FBXW4: variants seen among roughly 807,000 people sequenced by gnomAD.
The protein encoded by FBXW4 is F-box and WD repeat domain containing 4, also known as F-box/WD repeat-containing protein 4.
FBXW4 carries 40 observed loss-of-function variants against 61.8 expected under a neutral mutation model. The observed-to-expected ratio is 0.65, with a 90% CI of 0.50 to 0.84. FBXW4 has a LOEUF of 0.84. Ranked by LOEUF, FBXW4 falls within the 40% of genes least tolerant of loss-of-function variation. The pLI, the probability that FBXW4 is intolerant of heterozygous loss-of-function variation, is 0.00. For missense variants in FBXW4, 672 were observed against 753.8 expected, an observed-to-expected ratio of 0.89 and a Z score of 1.27; for synonymous variants, 311 against 313.8, an observed-to-expected ratio of 0.99 and a Z score of 0.10.
At chr10:101,629,561 C>A in intron 5 of FBXW4, among the ~76,000 whole-genome samples, 1 of 152,106 alleles carries the variant, frequency 6.6e-6, no homozygotes, top group South Asian at 2.1e-4. Context: ...TGGGATTAGA[C>A]GCATGAGCCA....
intron 1 of FBXW4, among the ~76,000 whole-genome samples, chr10:101,685,075 C>T (rs2064521419): frequency 6.6e-6 from 1 of 152,170 alleles, no homozygotes; most frequent in Admixed American, 6.5e-5. Context: ...CACGTTCATT[C>T]ATATACCCAC....
chr10:101,694,467 C>A lies in FBXW4; in HGVS notation c.639G>T (p.Leu213=). ...LGRLAQVCRW[L]RRFTSCDLLW... ...GCAGATCGCAGCTGGTGAAGCGCCG[C>A]AGCCAGCGGCACACCTGGGCCAGGC... Residue 213 remains leucine (L), a synonymous_variant, in exon 1 of 9, where the codon CTG becomes CTT. Coordinates refer to ENST00000331272, the MANE Select transcript of FBXW4 (RefSeq NM_022039.4). The surrounding 1 kb of genome is among the most constrained non-coding windows in gnomAD (Gnocchi z 6.0). 1 of 1,533,414 alleles carries A rather than the reference C, an allele frequency of 6.5e-7. No individual in the cohort carries two copies. Among genetic ancestry groups the A allele is most frequent in the Non-Finnish European group, 8.7e-7 (1 of 1,151,482 alleles). 95.0% of individuals were successfully genotyped at this position (1,533,414 alleles called of 1,614,324 possible). A position where few individuals can be genotyped will look rare whatever the true frequency, so the allele number is the denominator to read the frequency against.
intron 4 of FBXW4, 94 bp downstream of exon 4, chr10:101,672,821 G>T (rs557649776): frequency 9.6e-6 from 14 of 1,455,022 alleles, no homozygotes; most frequent in Non-Finnish European, 1.3e-5. Flanking sequence ...GTCCCCAGAC[G>T]ATACTCTCAG....
At chr10:101,651,308 C>G (rs560677325) in intron 5 of FBXW4, among the ~76,000 whole-genome samples, 11 of 151,704 alleles carry the variant, frequency 7.3e-5, no homozygotes, top group Non-Finnish European at 1.6e-4. Context: ...AGAGAGAAAA[C>G]AGAGGCCAGT....
At chr10:101,642,882 C>A (rs1337474151) in intron 5 of FBXW4, among the ~76,000 whole-genome samples, 1 of 152,158 alleles carries the variant, frequency 6.6e-6, no homozygotes, top group Non-Finnish European at 1.5e-5. Flanking sequence ...CAGGGCTGGG[C>A]GTGATGCCTA....
chr10:101,619,394 C>T (rs2063850302), intron 6 of FBXW4, among the ~76,000 whole-genome samples: 1 of 152,144 alleles, frequency 6.6e-6, no homozygotes, highest in Non-Finnish European at 1.5e-5. Flanking sequence ...CGCAGTGGCT[C>T]ACACCTGTAA....
intron 5 of FBXW4, among the ~76,000 whole-genome samples, chr10:101,653,584 C>A (rs2064161420): frequency 6.6e-6 from 1 of 152,208 alleles, no homozygotes; most frequent in Admixed American, 6.5e-5. Flanking sequence ...ACTTCAACTT[C>A]CATGTCATCC....
intron 5 of FBXW4, among the ~76,000 whole-genome samples, chr10:101,637,037 A>C (rs751436784): frequency 2.0e-5 from 3 of 152,020 alleles, no homozygotes; most frequent in Non-Finnish European, 4.4e-5. Context: ...AAGAGTTGGT[A>C]ATTATTCTAC....
At position 101,631,874 on chromosome 10, in the gene FBXW4, A is replaced by G. The variant is rs141881853; in HGVS notation, c.1236-7064T>C. Among the ~76,000 whole-genome samples, 1,327 of 152,118 alleles carry G rather than the reference A, an allele frequency of 8.7e-3. 22 individuals carry two copies. Among genetic ancestry groups the G allele is most frequent in the African/African-American group, 0.03 (1,250 of 41,496 alleles). ...GATCTCCTGACCTTGTGATCCACCC[A>G]CCTTGGCCTCCCAAAGTGCTGGGAT... On this transcript the variant is annotated intron_variant, in intron 5 of 8. Coordinates refer to ENST00000331272, the MANE Select transcript of FBXW4 (RefSeq NM_022039.4).
chr10:101,611,354 G>A lies in FBXW4; in HGVS notation c.1641C>T (p.Thr547=). The A allele has an allele frequency of 6.2e-7, 1 of 1,614,172 alleles. No homozygotes were observed. Among genetic ancestry groups the A allele is most frequent in the Non-Finnish European group, 8.5e-7 (1 of 1,180,026 alleles). The stretch of plus-strand genomic sequence containing the variant: ...ACAGGGCAGCATAGAGATGCTTGGT[G>A]GTGAGACGCAGGCAGTACACAGGGC... The part of the protein sequence containing the change: ...LSSPVYCLRL[T]TKHLYAALSY... The change falls in exon 9 of 9, where the codon ACC becomes ACT. Residue 547 remains threonine, a synonymous_variant. Coordinates refer to ENST00000331272, the MANE Select transcript of FBXW4 (RefSeq NM_022039.4). This position sits in a 1 kb window ranked among gnomAD's most constrained non-coding sequence, Gnocchi z 4.9.
At chr10:101,628,031 C>T in intron 5 of FBXW4, 1 of 972,514 alleles carries the variant, frequency 1.0e-6, no homozygotes. Context: ...ATTCTCGTCA[C>T]ATCCCTCACG....
Position 101,694,434 on chromosome 10 carries a change from G to C in FBXW4, c.672C>G (p.Arg224=). The change falls in exon 1 of 9, where the codon CGC becomes CGG. Residue 224 remains arginine, a synonymous_variant. Coordinates refer to ENST00000331272, the MANE Select transcript of FBXW4 (RefSeq NM_022039.4). The surrounding 1 kb of genome is among the most constrained non-coding windows in gnomAD (Gnocchi z 6.0). ...RRFTSCDLLW[R]RIARASLNSG... ...AGTTGAGCGAGGCCCGGGCTATCCG[G>C]CGCCAGAGCAGATCGCAGCTGGTGA... is the stretch of plus-strand genomic sequence containing the variant. 1 of 1,532,722 alleles carries C rather than the reference G, an allele frequency of 6.5e-7. No individual in the cohort carries two copies. The highest frequency in any genetic ancestry group is 8.7e-7 in the Non-Finnish European group (1 of 1,152,450). The allele number at this position is 1,532,722 out of a possible 1,614,324, so 94.9% of individuals were successfully genotyped here. A position where few individuals can be genotyped will look rare whatever the true frequency, so the allele number is the denominator to read the frequency against.
intron 4 of FBXW4, among the ~76,000 whole-genome samples, chr10:101,669,869 C>T (rs1478618412): frequency 6.6e-6 from 1 of 152,042 alleles, no homozygotes; most frequent in African/African-American, 2.4e-5. Context: ...ATTCTCCTGC[C>T]TCAGCCTCCC....
At chr10:101,636,462 A>T (rs1435376985) in intron 5 of FBXW4, among the ~76,000 whole-genome samples, 2 of 152,080 alleles carry the variant, frequency 1.3e-5, no homozygotes, top group Admixed American at 6.6e-5. Flanking sequence ...AAACACACAT[A>T]GTATTTAATG....
At chr10:101,643,776 G>A (rs2064073384) in intron 5 of FBXW4, among the ~76,000 whole-genome samples, 1 of 152,192 alleles carries the variant, frequency 6.6e-6, no homozygotes, top group South Asian at 2.1e-4. Context: ...CACACAATGA[G>A]TGGAAGGAGG....
rs560414905 is a variant in FBXW4, at chr10:101,669,828, C to T, written c.1141-1848G>A. On this transcript the variant is annotated intron_variant, in intron 4 of 8. Transcript: ENST00000331272. ...GGAGTGCAGTGGCGCAATATCAGCT[C>T]ACTGCAAGCTCCGCCTCCTGGGTTC... is the stretch of plus-strand genomic sequence containing the variant. Among the ~76,000 whole-genome samples, 10 of 150,914 alleles carry T rather than the reference C, an allele frequency of 6.6e-5. No homozygotes were observed. In the East Asian group the frequency reaches 2.0e-3, roughly 29 times the overall value.
At chr10:101,641,051 G>A (rs12414932) in intron 5 of FBXW4, among the ~76,000 whole-genome samples, 2 of 147,604 alleles carry the variant, frequency 1.4e-5, no homozygotes, top group South Asian at 2.2e-4. Context: ...GGCTGGTGTC[G>A]AACTCCTGAC....
intron 5 of FBXW4, among the ~76,000 whole-genome samples, chr10:101,630,798 G>C (rs1431657716): frequency 6.6e-6 from 1 of 152,164 alleles, no homozygotes; most frequent in Non-Finnish European, 1.5e-5. Flanking sequence ...AAAGGGATAA[G>C]GAAATAGATG....
intron 1 of FBXW4, 34 bp from the exon 2 acceptor site, chr10:101,676,470 A>G (rs1294023475): frequency 6.4e-7 from 1 of 1,558,812 alleles, no homozygotes; most frequent in East Asian, 2.3e-5. Context: ...TCCAATCACT[A>G]CAACTTATTG....
Sources: allele counts gnomAD v4.1 joint callset (sites outside exome capture counted in the v4.1 genomes callset), GRCh38; gene constraint gnomAD v4.1.1; non-coding constraint Gnocchi (gnomAD v3.1); transcripts MANE v1.5; gene names NCBI Gene and HGNC (gene_info 2026-07-23, HGNC 2026-07-21).